The following ABLIM1 variants were observed in gnomAD, a reference collection of about 807,000 sequenced individuals.
ABLIM1 encodes actin binding LIM protein 1, also known as actin-binding LIM protein 1.
Under a neutral mutation model 107.0 loss-of-function variants are expected in ABLIM1, and 40 were observed. That is an observed-to-expected ratio of 0.37 (90% CI 0.29 to 0.49). The LOEUF (loss-of-function observed/expected upper bound fraction) is 0.49, where lower values mean the gene tolerates loss of function less well. Ranked by LOEUF, ABLIM1 falls within the 20% of genes least tolerant of loss-of-function variation. The pLI is 0.97. For missense variants in ABLIM1, 857 were observed against 1,008.5 expected, an observed-to-expected ratio of 0.85 and a Z score of 2.04; for synonymous variants, 357 against 357.3, an observed-to-expected ratio of 1.00 and a Z score of 0.01.
At chr10:114,490,972 ATATG>A (rs1321565909) in intron 7 of ABLIM1, among the ~76,000 whole-genome samples, 1 of 85,034 alleles carries the variant, frequency 1.2e-5, no homozygotes, top group East Asian at 3.3e-4. Flanking sequence ...CCCGGCATAT[ATATG>A]TGTGTGTGTG....
rs1169140837 is a variant in ABLIM1 at position 114,468,228 on chromosome 10, A to G, written c.1276-12T>C. 1.2e-6 allele frequency: 2 copies of G among 1,611,608 alleles called. No homozygotes were observed. The highest frequency in any genetic ancestry group is 3.3e-5 in the Admixed American group (2 of 60,000). On this transcript the variant is annotated splice_polypyrimidine_tract_variant and intron_variant, in intron 10 of 22. Coordinates refer to ENST00000533213, the MANE Select transcript of ABLIM1 (RefSeq NM_002313.7). Reference sequence around the variant, plus strand: ...AAAGTCCTCGGAGACTAGAAAAATAAAAGAGAATTTAAAGTCACAATGTTT... The same window carrying G: ...AAAGTCCTCGGAGACTAGAAAAATAGAAGAGAATTTAAAGTCACAATGTTT...
At chr10:114,553,402 G>A (rs1299075859) in intron 4 of ABLIM1, among the ~76,000 whole-genome samples, 1 of 152,210 alleles carries the variant, frequency 6.6e-6, no homozygotes, top group African/African-American at 2.4e-5. Context: ...GAACGATGGG[G>A]AGAAGTATCC....
intron 1 of ABLIM1, among the ~76,000 whole-genome samples, chr10:114,716,473 A>T (rs937534944): frequency 4.6e-5 from 7 of 152,032 alleles, no homozygotes; most frequent in African/African-American, 1.7e-4. Context: ...AGAGAAAAAA[A>T]AGAAAACGAG....
chr10:114,709,258 G>A (rs559548315), intron 1 of ABLIM1, among the ~76,000 whole-genome samples: 4 of 152,274 alleles, frequency 2.6e-5, no homozygotes, highest in East Asian at 3.9e-4. Flanking sequence ...ATGGGAATGC[G>A]TTCCTTAGCA....
At position 114,494,338 on chromosome 10, in the gene ABLIM1, T is replaced by C. The variant is rs116787364; in HGVS notation, c.895-2460A>G. ...ACTTGAGCCCAGGAGTTCAAAACCA[T>C]CCTGAGCAAAACAGTAAGACCTTGT... On this transcript the variant is annotated intron_variant, in intron 6 of 22. Coordinates refer to ENST00000533213, the MANE Select transcript of ABLIM1 (RefSeq NM_002313.7). Among the ~76,000 whole-genome samples the C allele has an allele frequency of 4.0e-3, 602 of 152,222 alleles. 4 individuals are homozygous for C. The highest frequency in any genetic ancestry group is 0.014 in the African/African-American group (575 of 41,526).
chr10:114,745,282 C>CA (rs1304169021), intron 1 of ABLIM1, among the ~76,000 whole-genome samples: 2 of 152,330 alleles, frequency 1.3e-5, no homozygotes, highest in South Asian at 2.1e-4. Flanking sequence ...ATTTCCTGGC[C>CA]AGGTGCAGTG....
At chr10:114,729,626 G>A (rs1168003438) in intron 1 of ABLIM1, among the ~76,000 whole-genome samples, 1 of 152,086 alleles carries the variant, frequency 6.6e-6, no homozygotes, top group Admixed American at 6.5e-5. Context: ...ACAAATCCAA[G>A]GTGTTTCTGA....
At chr10:114,739,651 AT>A (rs909206027) in intron 1 of ABLIM1, among the ~76,000 whole-genome samples, 3 of 152,018 alleles carry the variant, frequency 2.0e-5, no homozygotes, top group South Asian at 4.2e-4. Flanking sequence ...TGATTTCTTG[AT>A]TTTTTTTAAA....
Position 114,460,122 on chromosome 10 carries a change from T to C in ABLIM1, c.1441+5576A>G, listed in dbSNP as rs142891863. ...AAATTATCTTCACACATATTTATAC[T>C]GAAACGCATGGCCCTCATATGAAGG... is the stretch of plus-strand genomic sequence containing the variant. On this transcript the variant is annotated intron_variant, in intron 12 of 22. Coordinates refer to ENST00000533213, the MANE Select transcript of ABLIM1 (RefSeq NM_002313.7). Among the ~76,000 whole-genome samples the C allele has an allele frequency of 3.1e-3, 476 of 152,318 alleles. 2 individuals are homozygous for C. Among genetic ancestry groups the C allele is most frequent in the African/African-American group, 0.011 (457 of 41,578 alleles).
At chr10:114,775,745 C>T in the ABLIM1 span, among the ~76,000 whole-genome samples, 7 of 152,280 alleles carry the variant, frequency 4.6e-5, no homozygotes, top group Admixed American at 1.3e-4. Context: ...TGTGACTGAA[C>T]TCCAAATCTA....
Position 114,629,168 on chromosome 10 carries a change from G to A in ABLIM1, c.245-27207C>T, listed in dbSNP as rs113656887. ...ACACTAGTGGAGGCAACCAGCCAGC[G>A]TGCTTTCTCTCCTGCCCATGTCAGC... On this transcript the variant is annotated intron_variant, in intron 1 of 22. Coordinates refer to ENST00000533213, the MANE Select transcript of ABLIM1 (RefSeq NM_002313.7). This position sits in a 1 kb window ranked among gnomAD's most constrained non-coding sequence, Gnocchi z 4.0. 1.3e-5 allele frequency among the ~76,000 whole-genome samples: 2 copies of A among 152,150 alleles called. No homozygotes were observed. Among genetic ancestry groups the A allele is most frequent in the East Asian group, 3.9e-4 (2 of 5,186 alleles).
intron 1 of ABLIM1, 22 bp downstream of exon 1, chr10:114,657,935 C>A: frequency 6.3e-7 from 1 of 1,586,782 alleles, no homozygotes; most frequent in South Asian, 1.1e-5. Flanking sequence ...AAACCATGTC[C>A]AGAGAGGGTT....
At chr10:114,512,417 T>C (rs1305046550) in intron 6 of ABLIM1, among the ~76,000 whole-genome samples, 5 of 152,190 alleles carry the variant, frequency 3.3e-5, no homozygotes, top group Admixed American at 6.5e-5. Flanking sequence ...TAGACATTCA[T>C]TGAGTGAAAG....
intron 1 of ABLIM1, among the ~76,000 whole-genome samples, chr10:114,614,791 C>T (rs148779744): frequency 0.012 from 1,812 of 152,198 alleles, 34 homozygotes; most frequent in African/African-American, 0.04. Flanking sequence ...TGGTGGCTCA[C>T]GTCTGTAATC....
At position 114,519,945 on chromosome 10, in the gene ABLIM1, A is replaced by G. The variant is rs185485721; in HGVS notation, c.894+25060T>C. On this transcript the variant is annotated intron_variant, in intron 6 of 22. Transcript: ENST00000533213. ...TATGTGCCAAGGAAAGCTTTGACGG[A>G]CCAGTCTGGCAAGGCTGCAGCCTCT... Among the ~76,000 whole-genome samples the G allele has an allele frequency of 7.6e-3, 1,151 of 152,348 alleles. 5 individuals carry two copies. The highest frequency in any genetic ancestry group is 0.011 in the Non-Finnish European group (767 of 68,040).
chr10:114,527,657 G>GTCT (rs2064972436), intron 6 of ABLIM1, among the ~76,000 whole-genome samples: 2 of 118,718 alleles, frequency 1.7e-5, no homozygotes, highest in Non-Finnish European at 3.2e-5. Flanking sequence ...AACAACTCTT[G>GTCT]TCTTTTTTTT....
intron 1 of ABLIM1, among the ~76,000 whole-genome samples, chr10:114,614,254 A>G (rs2076989254): frequency 6.6e-6 from 1 of 151,880 alleles, no homozygotes; most frequent in South Asian, 2.1e-4. Flanking sequence ...GAGTTCCAGG[A>G]CAACCTGGCC....
intron 1 of ABLIM1, among the ~76,000 whole-genome samples, chr10:114,767,335 C>T (rs143276020): frequency 1.3e-5 from 2 of 152,242 alleles, no homozygotes; most frequent in African/African-American, 4.8e-5. Flanking sequence ...GCAACCAATT[C>T]ACTTCATTTT....
chr10:114,445,444 G>A, intron 15 of ABLIM1, 41 bp from the exon 16 acceptor site: 1 of 1,548,238 alleles, frequency 6.5e-7, no homozygotes, highest in Non-Finnish European at 8.9e-7. Flanking sequence ...TCAGCCCCAA[G>A]ACAAGGGAAT....
Sources: allele counts gnomAD v4.1 joint callset (sites outside exome capture counted in the v4.1 genomes callset), GRCh38; gene constraint gnomAD v4.1.1; non-coding constraint Gnocchi (gnomAD v3.1); transcripts MANE v1.5; gene names NCBI Gene and HGNC (gene_info 2026-07-23, HGNC 2026-07-21).